The following CHD6 variants were observed in gnomAD, a reference collection of about 807,000 sequenced individuals.
CHD6 encodes the protein chromodomain helicase DNA binding protein 6.
Under a neutral mutation model 276.9 loss-of-function variants are expected in CHD6, and 50 were observed. The observed-to-expected ratio is 0.18, with a 90% CI of 0.14 to 0.23. The LOEUF is 0.23. Among genes scored for constraint, CHD6 ranks in the 10% least tolerant of loss-of-function variants. The pLI is 1.00. For missense variants in CHD6, 2,564 were observed against 3,365.8 expected, an observed-to-expected ratio of 0.76 and a Z score of 5.89; for synonymous variants, 1,173 against 1,229.3, an observed-to-expected ratio of 0.95 and a Z score of 0.96.
intron 1 of CHD6, among the ~76,000 whole-genome samples, chr20:41,560,546 A>G (rs1356280130): frequency 6.6e-6 from 1 of 152,194 alleles, no homozygotes; most frequent in Non-Finnish European, 1.5e-5. Flanking sequence ...CTGTCTGTGC[A>G]TGCCATTAGC....
intron 27 of CHD6, among the ~76,000 whole-genome samples, chr20:41,429,681 T>C (rs1202893752): frequency 6.6e-6 from 1 of 152,250 alleles, no homozygotes; most frequent in African/African-American, 2.4e-5. Context: ...TTGTTCTTTG[T>C]AGTACCATAA....
intron 17 of CHD6, among the ~76,000 whole-genome samples, chr20:41,472,591 C>A (rs1174614463): frequency 6.6e-6 from 1 of 152,174 alleles, no homozygotes; most frequent in African/African-American, 2.4e-5. Flanking sequence ...GTCTTATTGA[C>A]AAGTTAGAAT....
At chr20:41,548,686 C>T (rs927813481) in intron 2 of CHD6, among the ~76,000 whole-genome samples, 6 of 152,088 alleles carry the variant, frequency 3.9e-5, no homozygotes, top group African/African-American at 1.2e-4. Context: ...GCAAAAGAAA[C>T]TACCATCACA....
intron 25 of CHD6, among the ~76,000 whole-genome samples, chr20:41,441,785 G>GC (rs1343112594): frequency 6.6e-6 from 1 of 152,230 alleles, no homozygotes; most frequent in Non-Finnish European, 1.5e-5. Flanking sequence ...AGTAGGAGCT[G>GC]CAACAGCAAT....
At chr20:41,576,351 C>A (rs867618209) in intron 1 of CHD6, among the ~76,000 whole-genome samples, 1 of 152,186 alleles carries the variant, frequency 6.6e-6, no homozygotes, top group Non-Finnish European at 1.5e-5. Context: ...TCCCTTGAGG[C>A]CTTTACTGTT....
Position 41,457,446 on chromosome 20 carries a change from C to T in CHD6, c.2665-18G>A. ...GCCTGAGCCTGGGAAGAAGAAGAGTCATATGCATCACGTCACCGTATGTAT... is the reference window on the plus strand; with the variant it reads ...GCCTGAGCCTGGGAAGAAGAAGAGTTATATGCATCACGTCACCGTATGTAT... On this transcript the variant is annotated intron_variant, in intron 17 of 36. Transcript: ENST00000373233. 1.2e-6 allele frequency: 2 copies of T among 1,601,584 alleles called. No homozygotes were observed. The highest frequency in any genetic ancestry group is 1.7e-6 in the Non-Finnish European group (2 of 1,169,720).
At chr20:41,413,231 C>T in intron 35 of CHD6, 93 bp downstream of exon 35, 1 of 1,015,680 alleles carries the variant, frequency 9.8e-7, no homozygotes. Flanking sequence ...CAGCTCCCAA[C>T]TTCCTGGTTG....
In CHD6 at chr20:41,487,536, T is replaced by C. The variant is rs992898538; in HGVS notation, c.2001+129A>G. ...CCCCAACATACACAAACACATAAAA[T>C]AAAGGAGGTAACGCTCATTTTACCA... is the stretch of plus-strand genomic sequence containing the variant. On this transcript the variant is annotated intron_variant, in intron 14 of 36. Coordinates refer to ENST00000373233, the MANE Select transcript of CHD6 (RefSeq NM_032221.5). The C allele has an allele frequency of 1.5e-5, 13 of 876,012 alleles. No individual in the cohort carries two copies. The African/African-American group carries it at 2.2e-4, about 15-fold the overall frequency. 54.3% of individuals were successfully genotyped at this position (876,012 alleles called of 1,614,324 possible). A position where few individuals can be genotyped will look rare whatever the true frequency, so the allele number is the denominator to read the frequency against.
intron 17 of CHD6, among the ~76,000 whole-genome samples, chr20:41,470,330 T>C (rs1416179480): frequency 6.6e-6 from 1 of 151,326 alleles, no homozygotes; most frequent in Non-Finnish European, 1.5e-5. Context: ...AATTCCTTCA[T>C]CTCTACCTAG....
At chr20:41,411,810 G>C (rs2046848204) in intron 36 of CHD6, among the ~76,000 whole-genome samples, 1 of 152,182 alleles carries the variant, frequency 6.6e-6, no homozygotes, top group African/African-American at 2.4e-5. Context: ...TTCCAATAAT[G>C]AGTTTTGTTC....
chr20:41,613,668 T>C (rs1453887856), intron 1 of CHD6, among the ~76,000 whole-genome samples: 1 of 152,216 alleles, frequency 6.6e-6, no homozygotes, highest in Non-Finnish European at 1.5e-5. Context: ...GCAGAAGATT[T>C]TGTTCATGCA....
intron 18 of CHD6, among the ~76,000 whole-genome samples, chr20:41,456,771 C>CTTTT (rs2048389044): frequency 6.6e-6 from 1 of 152,144 alleles, no homozygotes; most frequent in African/African-American, 2.4e-5. Flanking sequence ...AATTCTTATG[C>CTTTT]CCCCAAAGGG....
intron 8 of CHD6, among the ~76,000 whole-genome samples, chr20:41,494,500 T>C (rs1027102937): frequency 1.2e-4 from 19 of 152,232 alleles, no homozygotes; most frequent in African/African-American, 4.3e-4. Flanking sequence ...TAGAAATACT[T>C]AAGGTATGTC....
At chr20:41,541,375 T>A (rs2044939495) in intron 2 of CHD6, among the ~76,000 whole-genome samples, 1 of 152,240 alleles carries the variant, frequency 6.6e-6, no homozygotes, top group African/African-American at 2.4e-5. Flanking sequence ...GGTACTTTGA[T>A]CCTGGTGTTC....
intron 25 of CHD6, among the ~76,000 whole-genome samples, chr20:41,440,769 C>G (rs965160698): frequency 6.6e-6 from 1 of 152,158 alleles, no homozygotes; most frequent in African/African-American, 2.4e-5. Context: ...TTGATAAAGT[C>G]CATGTGTGAG....
chr20:41,488,648 T>C (rs986213388), intron 12 of CHD6, 44 bp from the exon 13 acceptor site: 15 of 1,564,928 alleles, frequency 9.6e-6, no homozygotes, highest in Non-Finnish European at 1.2e-5. Flanking sequence ...ACCATGGCTA[T>C]AGAATTCTGC....
At chr20:41,563,923 A>G (rs2045328220) in intron 1 of CHD6, 1 of 651,168 alleles carries the variant, frequency 1.5e-6, no homozygotes. Flanking sequence ...ACAACACTCT[A>G]TATATTCAGT....
chr20:41,570,281 ATCC>A (rs1402802633), intron 1 of CHD6, among the ~76,000 whole-genome samples: 3 of 152,206 alleles, frequency 2.0e-5, no homozygotes, highest in Admixed American at 6.5e-5. Flanking sequence ...GCTCATCAAA[ATCC>A]TCAAGGAGTT....
At chr20:41,589,619 T>A (rs201187825) in intron 1 of CHD6, among the ~76,000 whole-genome samples, 2 of 152,182 alleles carry the variant, frequency 1.3e-5, no homozygotes, top group East Asian at 3.8e-4. Context: ...CCATTCACAA[T>A]TGATTCAAAC....
Sources: allele counts gnomAD v4.1 joint callset (sites outside exome capture counted in the v4.1 genomes callset), GRCh38; gene constraint gnomAD v4.1.1; transcripts MANE v1.5; gene names NCBI Gene and HGNC (gene_info 2026-07-23, HGNC 2026-07-21).